TRPM3: variants seen among roughly 807,000 people sequenced by gnomAD.
TRPM3 encodes the protein transient receptor potential cation channel subfamily M member 3, also known as long transient receptor potential channel 3.
Under a neutral mutation model 181.2 loss-of-function variants are expected in TRPM3, and 77 were observed. That is an observed-to-expected ratio of 0.42 (90% CI 0.35 to 0.51). The LOEUF is 0.51. TRPM3 is among the 20% of genes least tolerant of loss of function. The pLI is 0.01. For synonymous variants in TRPM3, 745 were observed against 796.4 expected (o/e 0.94, Z 1.09); for missense variants, 1,759 against 2,196.7 (o/e 0.80, Z 3.98).
intron 1 of TRPM3, among the ~76,000 whole-genome samples, chr9:71,371,608 T>G (rs537833437): frequency 2.0e-5 from 3 of 152,298 alleles, no homozygotes; most frequent in African/African-American, 7.2e-5. Context: ...AGTGATTTCT[T>G]GAGATGGAAT....
At chr9:70,585,382 T>C (rs574036429) in intron 22 of TRPM3, among the ~76,000 whole-genome samples, 1 of 152,158 alleles carries the variant, frequency 6.6e-6, no homozygotes, top group Non-Finnish European at 1.5e-5. Flanking sequence ...GCATTAACCA[T>C]CACGGTGGTT....
At chr9:71,438,471 A>C (rs1332221240) in intron 1 of TRPM3, among the ~76,000 whole-genome samples, 1 of 151,716 alleles carries the variant, frequency 6.6e-6, no homozygotes, top group Non-Finnish European at 1.5e-5. Context: ...GGAGTTTGAG[A>C]CCAGCCTGGG....
chr9:70,633,515 C>T (rs894171810), intron 12 of TRPM3, among the ~76,000 whole-genome samples: 2 of 152,142 alleles, frequency 1.3e-5, no homozygotes, highest in African/African-American at 4.8e-5. Flanking sequence ...AAACTACAGG[C>T]TTCACCCACT....
intron 1 of TRPM3, among the ~76,000 whole-genome samples, chr9:71,433,600 A>C (rs115700042): frequency 0.011 from 1,634 of 152,332 alleles, 26 homozygotes; most frequent in African/African-American, 0.037. Flanking sequence ...GTATCTACAA[A>C]CATGGTTGTT....
chr9:71,213,419 T>TTTCC (rs1304699643), intron 1 of TRPM3, among the ~76,000 whole-genome samples: 5 of 152,250 alleles, frequency 3.3e-5, no homozygotes, highest in African/African-American at 1.2e-4. Context: ...GCTTTAATTC[T>TTTCC]TTCCCTGGTT....
chr9:71,227,681 A>G (rs1297253225), intron 1 of TRPM3, among the ~76,000 whole-genome samples: 2 of 152,154 alleles, frequency 1.3e-5, no homozygotes, highest in Non-Finnish European at 2.9e-5. Context: ...CAGAAATCCA[A>G]AGGATCATTA....
chr9:71,039,808 G>GT (rs1565046874), intron 1 of TRPM3, among the ~76,000 whole-genome samples: 1 of 152,042 alleles, frequency 6.6e-6, no homozygotes, highest in Non-Finnish European at 1.5e-5. Context: ...ATTATACCCT[G>GT]TATCATTATC....
At chr9:70,912,553 G>A (rs911099795) in intron 1 of TRPM3, among the ~76,000 whole-genome samples, 2 of 152,186 alleles carry the variant, frequency 1.3e-5, no homozygotes, top group African/African-American at 4.8e-5. Context: ...TAAGGAAAGT[G>A]AGGAGAGTAA....
At chr9:70,621,176 G>GCTACATATA in intron 15 of TRPM3, 68 bp downstream of exon 15, 1 of 879,396 alleles carries the variant, frequency 1.1e-6, no homozygotes, top group Non-Finnish European at 1.6e-6. Context: ...TACTATATAT[G>GCTACATATA]TAGCATATAT....
chr9:70,548,273 A>C (rs1188778931), intron 25 of TRPM3, among the ~76,000 whole-genome samples: 1 of 152,210 alleles, frequency 6.6e-6, no homozygotes, highest in Non-Finnish European at 1.5e-5. Flanking sequence ...ACGTTATATC[A>C]TCATAAAATG....
At chr9:71,433,162 C>T (rs987714665) in intron 1 of TRPM3, among the ~76,000 whole-genome samples, 1 of 152,078 alleles carries the variant, frequency 6.6e-6, no homozygotes, top group African/African-American at 2.4e-5. Context: ...CATGAATGAC[C>T]AATTGCAGAA....
chr9:71,244,063 G>A (rs1469711113), intron 1 of TRPM3, among the ~76,000 whole-genome samples: 1 of 152,152 alleles, frequency 6.6e-6, no homozygotes. Context: ...GTTTGTGCCT[G>A]TGGCCTACGT....
chr9:70,779,041 T>C (rs2081997145), intron 7 of TRPM3, among the ~76,000 whole-genome samples: 1 of 152,198 alleles, frequency 6.6e-6, no homozygotes, highest in Admixed American at 6.6e-5. Context: ...CATCTGCAGT[T>C]AGCATTCATT....
intron 9 of TRPM3, among the ~76,000 whole-genome samples, chr9:70,670,693 A>G (rs552343204): frequency 6.6e-6 from 1 of 152,166 alleles, no homozygotes; most frequent in African/African-American, 2.4e-5. Flanking sequence ...GGGATATCCT[A>G]ATGCCCTAGG....
intron 8 of TRPM3, among the ~76,000 whole-genome samples, chr9:70,755,894 C>T (rs1397300773): frequency 6.6e-6 from 1 of 152,106 alleles, no homozygotes; most frequent in Admixed American, 6.6e-5. Flanking sequence ...GACCTATTGA[C>T]ACTATGAAGA....
chr9:70,755,559 G>T (rs140915477), intron 8 of TRPM3, among the ~76,000 whole-genome samples: 3 of 151,820 alleles, frequency 2.0e-5, no homozygotes. Context: ...TAGTAGAGAC[G>T]GGGTTTCTTC....
chr9:70,771,303 C>T (rs1370688165), intron 7 of TRPM3, among the ~76,000 whole-genome samples: 1 of 152,098 alleles, frequency 6.6e-6, no homozygotes, highest in Admixed American at 6.5e-5. Context: ...ATGAAGGATC[C>T]AAGGTCTGTG....
intron 1 of TRPM3, among the ~76,000 whole-genome samples, chr9:71,148,748 A>G (rs1444795097): frequency 6.6e-6 from 1 of 152,224 alleles, no homozygotes; most frequent in Non-Finnish European, 1.5e-5. Flanking sequence ...ATTTCTTGAA[A>G]GTCATAGGGT....
intron 1 of TRPM3, among the ~76,000 whole-genome samples, chr9:70,882,849 G>T: frequency 6.6e-6 from 1 of 152,078 alleles, no homozygotes; most frequent in East Asian, 1.9e-4. Context: ...CTTGGTTGCA[G>T]GTCATGGCAA....
Sources: gnomAD v4.1 joint callset for allele counts (sites outside exome capture counted in the v4.1 genomes callset) on GRCh38, gnomAD v4.1.1 for gene constraint, MANE v1.5 for transcripts, NCBI Gene and HGNC (gene_info 2026-07-23, HGNC 2026-07-21) for gene names.